TENM2: variants seen among roughly 807,000 people sequenced by gnomAD.
The protein encoded by TENM2 is teneurin transmembrane protein 2.
Under a neutral mutation model 245.2 loss-of-function variants are expected in TENM2, and 52 were observed. The observed-to-expected ratio is 0.21, with a 90% CI of 0.17 to 0.27. TENM2 has a LOEUF of 0.27. TENM2 is among the 10% of genes least tolerant of loss of function. The pLI, the probability that TENM2 is intolerant of heterozygous loss-of-function variation, is 1.00. For synonymous variants in TENM2, 1,363 were observed against 1,438.9 expected (o/e 0.95, Z 1.19); for missense variants, 3,046 against 3,666.8 (o/e 0.83, Z 4.37).
chr5:167,711,055 G>A (rs7732135), intron 2 of TENM2, among the ~76,000 whole-genome samples: 9,401 of 152,254 alleles, frequency 0.062, 305 homozygotes, highest in South Asian at 0.086. Context: ...ATGAAGCCAG[G>A]TACTGGAATT....
At chr5:167,208,638 TAAG>T in the TENM2 span, among the ~76,000 whole-genome samples, 8 of 152,342 alleles carry the variant, frequency 5.3e-5, no homozygotes, top group East Asian at 1.9e-4. Context: ...GGTTTTCATT[TAAG>T]AAGAAGATGT....
intron 2 of TENM2, among the ~76,000 whole-genome samples, chr5:167,731,200 G>GTTTT (rs11398245): frequency 5.2e-4 from 74 of 142,608 alleles, no homozygotes; most frequent in Admixed American, 3.7e-3. Context: ...CCTCCAGACA[G>GTTTT]TTTTTTTTTT....
rs553656581 is a variant in TENM2 at position 167,471,932 on chromosome 5, C to G, written c.502+96459C>G. 1.8e-4 allele frequency among the ~76,000 whole-genome samples: 28 copies of G among 152,324 alleles called. No homozygotes were observed. In the South Asian group the frequency reaches 4.8e-3, roughly 26 times the overall value. On this transcript the variant is annotated intron_variant, in intron 2 of 28. Transcript: ENST00000518659. ...AGGTAAATCCTTTTCTTTCTCTGAGCCTTCTTTTTGAGAATCTCTTCCTTG... is the reference window on the plus strand; with the variant it reads ...AGGTAAATCCTTTTCTTTCTCTGAGGCTTCTTTTTGAGAATCTCTTCCTTG...
intron 9 of TENM2, among the ~76,000 whole-genome samples, chr5:168,110,141 C>G (rs1425646936): frequency 6.7e-6 from 1 of 148,698 alleles, no homozygotes; most frequent in East Asian, 2.0e-4. Flanking sequence ...ACATGTGATG[C>G]ACACAGAGCT....
chr5:167,433,371 G>T (rs767679434), intron 2 of TENM2, among the ~76,000 whole-genome samples: 5 of 152,074 alleles, frequency 3.3e-5, no homozygotes, highest in African/African-American at 4.8e-5. Context: ...AACCAAAAAA[G>T]ATTTTAAAAT....
the TENM2 span, among the ~76,000 whole-genome samples, chr5:167,035,835 C>T: frequency 1.1e-4 from 16 of 152,318 alleles, no homozygotes; most frequent in East Asian, 3.9e-4. Context: ...TGCCGCCTCC[C>T]GGGTTCAAGC....
chr5:167,902,036 A>G (rs996298639), intron 3 of TENM2, among the ~76,000 whole-genome samples: 3 of 152,166 alleles, frequency 2.0e-5, no homozygotes, highest in African/African-American at 7.2e-5. Flanking sequence ...TGCACATTTT[A>G]TGCAGGCTCA....
intron 7 of TENM2, among the ~76,000 whole-genome samples, chr5:168,084,521 A>T (rs1040098544): frequency 5.9e-5 from 9 of 152,162 alleles, no homozygotes; most frequent in Non-Finnish European, 1.2e-4. Flanking sequence ...TTGGGTAGTC[A>T]GGGAAGCCCT....
rs1203759137 is a variant in TENM2 at position 167,723,426 on chromosome 5, CT to C, written c.503-152558del. Reference sequence around the variant, plus strand: ...AGGCTAGGTCTTTTCCCGGCTCCTCCTTCATTCATAAGTGCATTCTCAGCAA... The same window carrying C: ...AGGCTAGGTCTTTTCCCGGCTCCTCCTCATTCATAAGTGCATTCTCAGCAA... On this transcript the variant is annotated intron_variant, in intron 2 of 28. Coordinates refer to ENST00000518659, the Ensembl canonical transcript of TENM2. Among the ~76,000 whole-genome samples, 5 of 152,296 alleles carry C rather than the reference CT, an allele frequency of 3.3e-5. No homozygotes were observed. In the East Asian group the frequency reaches 5.8e-4, roughly 18 times the overall value.
intron 22 of TENM2, among the ~76,000 whole-genome samples, chr5:168,217,404 A>C (rs1763294265): frequency 1.3e-5 from 2 of 152,184 alleles, no homozygotes; most frequent in Admixed American, 1.3e-4. Flanking sequence ...GCTGTTAGAG[A>C]GGCAGAGAAC....
chr5:168,249,997 A>G (rs1380856462), intron 27 of TENM2, among the ~76,000 whole-genome samples: 2 of 152,204 alleles, frequency 1.3e-5, no homozygotes, highest in African/African-American at 4.8e-5. Flanking sequence ...ATGGGAGGAA[A>G]GATAAAGTCC....
At chr5:167,314,900 G>T (rs1756264419) in intron 1 of TENM2, among the ~76,000 whole-genome samples, 1 of 151,788 alleles carries the variant, frequency 6.6e-6, no homozygotes, top group African/African-American at 2.4e-5. Context: ...TACAAAAATA[G>T]ATTTTTATAC....
intron 3 of TENM2, among the ~76,000 whole-genome samples, chr5:167,933,592 G>A (rs948437355): frequency 2.0e-5 from 3 of 151,790 alleles, no homozygotes; most frequent in African/African-American, 4.8e-5. Flanking sequence ...TAAAAATATC[G>A]AGCGTTTGCA....
chr5:167,760,871 G>T (rs544102518), intron 2 of TENM2, among the ~76,000 whole-genome samples: 2 of 152,026 alleles, frequency 1.3e-5, no homozygotes, highest in African/African-American at 4.8e-5. Flanking sequence ...GGCTGGTCTC[G>T]AACTCCTGAC....
intron 2 of TENM2, among the ~76,000 whole-genome samples, chr5:167,808,648 G>C (rs1766407557): frequency 1.3e-5 from 2 of 152,186 alleles, no homozygotes; most frequent in South Asian, 4.1e-4. Context: ...TTGTAAGAGA[G>C]ATAGAAACCC....
At chr5:167,214,731 A>C in the TENM2 span, among the ~76,000 whole-genome samples, 5 of 152,170 alleles carry the variant, frequency 3.3e-5, no homozygotes, top group Non-Finnish European at 7.3e-5. Context: ...TGTCACTTGG[A>C]GCAGAGGAGG....
chr5:167,862,663 A>G (rs897294067), intron 2 of TENM2, among the ~76,000 whole-genome samples: 1 of 152,164 alleles, frequency 6.6e-6, no homozygotes, highest in Non-Finnish European at 1.5e-5. Flanking sequence ...GAGCCTTCAG[A>G]GAAGAGTACC....
intron 7 of TENM2, among the ~76,000 whole-genome samples, chr5:168,063,186 T>A (rs1386963692): frequency 6.6e-6 from 1 of 152,206 alleles, no homozygotes; most frequent in Non-Finnish European, 1.5e-5. Flanking sequence ...AAAAGAATAA[T>A]GTAACATAAA....
At chr5:167,376,678 A>T (rs2127317134) in intron 2 of TENM2, among the ~76,000 whole-genome samples, 1 of 152,304 alleles carries the variant, frequency 6.6e-6, no homozygotes, top group African/African-American at 2.4e-5. Flanking sequence ...GCCTCCGTTC[A>T]TGTAGCTAAT....
Sources: gnomAD v4.1 joint callset for allele counts (sites outside exome capture counted in the v4.1 genomes callset) on GRCh38, gnomAD v4.1.1 for gene constraint, MANE v1.5 for transcripts, NCBI Gene and HGNC (gene_info 2026-07-23, HGNC 2026-07-21) for gene names.